Variants in E2F7 observed in about 807,000 individuals in gnomAD.
E2F7 encodes E2F transcription factor 7.
In E2F7, 35 loss-of-function variants were observed where a neutral mutation model predicts 81.1. That is an observed-to-expected ratio of 0.43 (90% CI 0.33 to 0.57). The LOEUF (loss-of-function observed/expected upper bound fraction) is 0.57. Among genes scored for constraint, E2F7 ranks in the 20% least tolerant of loss-of-function variants. The pLI is 0.04. For missense variants in E2F7, 961 were observed against 1,093.7 expected, an observed-to-expected ratio of 0.88 and a Z score of 1.71; for synonymous variants, 416 against 416.2, an observed-to-expected ratio of 1.00 and a Z score of 0.01.
chr12:77,051,906 A>G (rs1954992262), intron 3 of E2F7, among the ~76,000 whole-genome samples: 1 of 152,222 alleles, frequency 6.6e-6, no homozygotes, highest in Non-Finnish European at 1.5e-5. Context: ...ATTCATACAA[A>G]AAAACTCAAA....
chr12:77,062,131 A>G (rs1282256036), intron 2 of E2F7, among the ~76,000 whole-genome samples: 1 of 152,184 alleles, frequency 6.6e-6, no homozygotes, highest in Non-Finnish European at 1.5e-5. Context: ...TTAGGCTATC[A>G]GTCTGATTCA....
At chr12:77,046,432 C>A (rs748142713) in intron 4 of E2F7, 104 bp from the exon 5 acceptor site, 13 of 1,233,644 alleles carry the variant, frequency 1.1e-5, no homozygotes, top group Non-Finnish European at 1.3e-5. Flanking sequence ...TGTCTGATCC[C>A]CAATATAATG....
intron 4 of E2F7, among the ~76,000 whole-genome samples, chr12:77,048,561 T>C (rs971228744): frequency 5.4e-5 from 8 of 149,052 alleles, no homozygotes; most frequent in Non-Finnish European, 1.1e-4. Flanking sequence ...ACGTCCTTAG[T>C]TAAATACAGT....
At position 77,029,822 on chromosome 12, in the gene E2F7, C is replaced by A. The variant is rs753463745; in HGVS notation, c.1884+9G>T. The A allele has an allele frequency of 6.2e-7, 1 of 1,613,324 alleles. No individual in the cohort carries two copies. The highest frequency in any genetic ancestry group is 8.5e-7 in the Non-Finnish European group (1 of 1,179,452). ...ATGTCACCAGACACATCCACCTGCACTCCCTTACCTTGGGCATGACAAGCG... is the reference window on the plus strand; with the variant it reads ...ATGTCACCAGACACATCCACCTGCAATCCCTTACCTTGGGCATGACAAGCG... On this transcript the variant is annotated intron_variant, in intron 10 of 12. Coordinates refer to ENST00000322886, the MANE Select transcript of E2F7 (RefSeq NM_203394.3).
chr12:77,021,926 T>C lies in E2F7; in HGVS notation c.*2089A>G, dbSNP rs1310979283. The C allele has an allele frequency of 2.0e-5, 3 of 152,234 alleles. No homozygotes were observed. Among genetic ancestry groups the C allele is most frequent in the Admixed American group, 2.0e-4 (3 of 15,282 alleles). The allele number at this position is 152,234 out of a possible 1,614,324, so 9.4% of individuals were successfully genotyped here. A position where few individuals can be genotyped will look rare whatever the true frequency, so the allele number is the denominator to read the frequency against. The stretch of plus-strand genomic sequence containing the variant: ...ACAGAAGCAATTGTCCTTGGTTTTC[T>C]ACTCCTAAGAATGGTCACCAAGTCA... On this transcript the variant is annotated 3_prime_UTR_variant, in exon 13 of 13. Coordinates refer to ENST00000322886, the MANE Select transcript of E2F7 (RefSeq NM_203394.3).
intron 8 of E2F7, among the ~76,000 whole-genome samples, chr12:77,033,627 G>A (rs1286104724): frequency 1.3e-5 from 2 of 152,226 alleles, no homozygotes; most frequent in African/African-American, 4.8e-5. Context: ...TCTACAAGGT[G>A]ACTAGGATCA....
intron 5 of E2F7, among the ~76,000 whole-genome samples, chr12:77,045,332 G>A (rs1323263136): frequency 6.6e-6 from 1 of 152,126 alleles, no homozygotes; most frequent in African/African-American, 2.4e-5. Flanking sequence ...GTGCTCCTGT[G>A]GATGGCAGGC....
chr12:77,052,700 CT>C (rs1175765519), intron 3 of E2F7, among the ~76,000 whole-genome samples: 1 of 152,140 alleles, frequency 6.6e-6, no homozygotes, highest in East Asian at 1.9e-4. Context: ...AACTTAAGAA[CT>C]TTTGTCCATC....
rs1338796722 is a variant in E2F7, at chr12:77,028,053, C to T, written c.1970G>A (p.Gly657Asp). Residue 657 changes from glycine (G) to aspartate (D), a missense_variant, in exon 11 of 13, where the codon GGC becomes GAC. Around this residue, in one of 3 missense-constraint regions of E2F7, gnomAD observed 587 missense variants for 620.3 expected, o/e 0.95. Coordinates refer to ENST00000322886, the MANE Select transcript of E2F7 (RefSeq NM_203394.3). ...SIPLKDIHVN[G>D]QLPAAEEISG... ...AATCTCTTCTGCAGCAGGGAGTTGG[C>T]CATTCACATGAATGTCTTTGAGGGG... 1.2e-6 allele frequency: 2 copies of T among 1,614,174 alleles called. No individual in the cohort carries two copies. Among genetic ancestry groups the T allele is most frequent in the East Asian group, 2.2e-5 (1 of 44,892 alleles).
In E2F7 at chr12:77,064,563, C is replaced by G. The variant is rs1250367375; in HGVS notation, c.73G>C (p.Asp25His). The change falls in exon 2 of 13, where the codon GAT becomes CAT. Residue 25 changes from aspartate (D) to histidine (H), a missense_variant. Around this residue, in one of 3 missense-constraint regions of E2F7, gnomAD observed 73 missense variants for 68.4 expected, o/e 1.07. Transcript: ENST00000322886. Reference protein sequence around the residue: ...RQPRLDFAVEDGENAQKENIF... With the variant: ...RQPRLDFAVEHGENAQKENIF... ...CTTACCTTTTGTGCATTTTCCCCAT[C>G]TTCAACTGCAAAATCTAGTCTGGGC... 3 of 1,614,148 alleles carry G rather than the reference C, an allele frequency of 1.9e-6. No homozygotes were observed. Among genetic ancestry groups the G allele is most frequent in the Non-Finnish European group, 2.5e-6 (3 of 1,180,004 alleles).
At chr12:77,046,016 C>A in intron 5 of E2F7, 22 bp downstream of exon 5, 1 of 1,604,238 alleles carries the variant, frequency 6.2e-7, no homozygotes, top group Non-Finnish European at 8.5e-7. Flanking sequence ...TGCCATTACT[C>A]ATGAAGTTAC....
chr12:77,044,746 C>T lies in E2F7; in HGVS notation c.879G>A (p.Lys293=). Residue 293 remains lysine (K), a synonymous_variant, in exon 6 of 13, where the codon AAG becomes AAA. Transcript: ENST00000322886. The part of the protein sequence containing the change: ...KDKSLRIMSQ[K]FVMLFLVSKT... ...TGGAGACGAGGAACAGCATGACAAACTTCTGGCTCATAATTCTCAGAGACT... is the reference window on the plus strand; with the variant it reads ...TGGAGACGAGGAACAGCATGACAAATTTCTGGCTCATAATTCTCAGAGACT... 1 of 1,614,166 alleles carries T rather than the reference C, an allele frequency of 6.2e-7. No homozygotes were observed. The highest frequency in any genetic ancestry group is 8.5e-7 in the Non-Finnish European group (1 of 1,180,018).
chr12:77,044,835 T>C (rs775262912), intron 5 of E2F7, 40 bp from the exon 6 acceptor site: 2 of 1,598,310 alleles, frequency 1.3e-6, no homozygotes, highest in South Asian at 2.3e-5. Context: ...AGTATATGAT[T>C]TTCTACAAGA....
chr12:77,044,454 T>A (rs1954922521), intron 6 of E2F7, 183 bp downstream of exon 6: 1 of 693,320 alleles, frequency 1.4e-6, no homozygotes, highest in East Asian at 2.8e-5. Context: ...GACAGGACTC[T>A]AAGCTGAATT....
At chr12:77,044,158 A>C (rs1258553092) in intron 6 of E2F7, 5 of 358,450 alleles carry the variant, frequency 1.4e-5, no homozygotes, top group African/African-American at 8.4e-5. Context: ...ATGGACAGAA[A>C]AGGAGGATGC....
chr12:77,040,689 G>C (rs778813325), intron 7 of E2F7, among the ~76,000 whole-genome samples: 77 of 152,198 alleles, frequency 5.1e-4, no homozygotes, highest in Admixed American at 4.1e-3. Flanking sequence ...GGGGATGGGA[G>C]TGGGGACCAG....
intron 2 of E2F7, among the ~76,000 whole-genome samples, chr12:77,057,901 T>G (rs1295118286): frequency 6.6e-6 from 1 of 152,180 alleles, no homozygotes; most frequent in African/African-American, 2.4e-5. Context: ...TACTGAATGC[T>G]TGGGTTTTGG....
At chr12:77,032,583 A>C (rs1317989327) in intron 9 of E2F7, among the ~76,000 whole-genome samples, 2 of 152,210 alleles carry the variant, frequency 1.3e-5, no homozygotes, top group African/African-American at 4.8e-5. Context: ...GGCAAGTTAC[A>C]TAACCTTTTT....
chr12:77,050,754 G>A lies in E2F7; in HGVS notation c.370-10C>T. ...CCCCAACAACATCAAGCTACAGAGGGCAGATAGAAGGGAGGGGGAAGATGT... is the reference window on the plus strand; with the variant it reads ...CCCCAACAACATCAAGCTACAGAGGACAGATAGAAGGGAGGGGGAAGATGT... On this transcript the variant is annotated splice_polypyrimidine_tract_variant and intron_variant, in intron 3 of 12. Transcript: ENST00000322886. 2 of 1,609,942 alleles carry A rather than the reference G, an allele frequency of 1.2e-6. No homozygotes were observed. The highest frequency in any genetic ancestry group is 1.7e-6 in the Non-Finnish European group (2 of 1,177,538).
Sources: allele counts gnomAD v4.1 joint callset (sites outside exome capture counted in the v4.1 genomes callset), GRCh38; gene constraint gnomAD v4.1.1; regional missense constraint gnomAD v4.1.1; transcripts MANE v1.5; gene names NCBI Gene and HGNC (gene_info 2026-07-23, HGNC 2026-07-21).